Variants in RASGEF1C observed in about 807,000 individuals in gnomAD.
RASGEF1C encodes the protein ras-GEF domain-containing family member 1C.
In RASGEF1C, 27 loss-of-function variants were observed where a neutral mutation model predicts 58.1. That is an observed-to-expected ratio of 0.46 (90% CI 0.34 to 0.64). RASGEF1C has a LOEUF of 0.64. RASGEF1C is among the 30% of genes least tolerant of loss of function. The pLI is 0.01. For missense variants in RASGEF1C, 502 were observed against 605.1 expected (o/e 0.83, Z 1.79); for synonymous variants, 243 against 246.3 (o/e 0.99, Z 0.13).
chr5:180,205,236 AAACT>A (rs1039671070), intron 1 of RASGEF1C, among the ~76,000 whole-genome samples: 2 of 152,154 alleles, frequency 1.3e-5, no homozygotes, highest in East Asian at 1.9e-4. Flanking sequence ...ACTAACAATA[AAACT>A]AACAATAAAA....
Position 180,101,115 on chromosome 5 carries a change from A to T in RASGEF1C, c.*386T>A, listed in dbSNP as rs1765774752. ...CCAGAAGTTCCCAAGCCACGTGGTG[A>T]CAGACTGTGGGTGGTGGCCAAAGTG... On this transcript the variant is annotated 3_prime_UTR_variant, in exon 14 of 14. Coordinates refer to ENST00000361132, the MANE Select transcript of RASGEF1C (RefSeq NM_175062.4). The T allele has an allele frequency of 4.5e-6, 1 of 224,690 alleles. No homozygotes were observed. The highest frequency in any genetic ancestry group is 1.4e-4 in the South Asian group (1 of 7,204). The allele number at this position is 224,690 out of a possible 1,614,324, so 13.9% of individuals were successfully genotyped here. A position where few individuals can be genotyped will look rare whatever the true frequency, so the allele number is the denominator to read the frequency against.
rs1415220062 is a variant in RASGEF1C at position 180,207,017 on chromosome 5, T to C, written c.-7+2011A>G. Among the ~76,000 whole-genome samples the C allele has an allele frequency of 2.0e-5, 3 of 152,288 alleles. No individual in the cohort carries two copies. The South Asian group carries it at 6.2e-4, about 32-fold the overall frequency. On this transcript the variant is annotated intron_variant, in intron 1 of 13. Transcript: ENST00000361132. ...ATAGTTCTGACCTTTAAACCATGTG[T>C]TTTACGTATTCAAAAAATAAAATTA...
At chr5:180,163,179 T>A (rs1044920232) in intron 1 of RASGEF1C, among the ~76,000 whole-genome samples, 6 of 150,286 alleles carry the variant, frequency 4.0e-5, no homozygotes, top group Admixed American at 4.0e-4. Flanking sequence ...ACAGACAGTT[T>A]TAGTTCTTGC....
chr5:180,182,896 A>G (rs557338362), intron 1 of RASGEF1C, among the ~76,000 whole-genome samples: 14 of 152,156 alleles, frequency 9.2e-5, no homozygotes, highest in Admixed American at 6.5e-4. Flanking sequence ...CTGGATTCCT[A>G]CTCCCTGGTG....
chr5:180,163,217 T>C (rs4700889), intron 1 of RASGEF1C, among the ~76,000 whole-genome samples: 139,760 of 140,728 alleles, frequency 0.99, 69,409 homozygotes, highest in East Asian at 1. Context: ...TCCCTTCCTC[T>C]CACCACCCCC....
chr5:180,188,870 T>C (rs565359504), intron 1 of RASGEF1C, among the ~76,000 whole-genome samples: 1 of 152,320 alleles, frequency 6.6e-6, no homozygotes, highest in African/African-American at 2.4e-5. Context: ...TGTTGCCATC[T>C]TTATGTCCAC....
chr5:180,113,248 C>G (rs190482564), intron 11 of RASGEF1C, among the ~76,000 whole-genome samples: 1 of 44,122 alleles, frequency 2.3e-5, no homozygotes, highest in Non-Finnish European at 4.7e-5. Flanking sequence ...ACGGAGGGAC[C>G]GAGGATGGAC....
At chr5:180,149,121 C>T (rs1250839542) in intron 1 of RASGEF1C, among the ~76,000 whole-genome samples, 1 of 127,560 alleles carries the variant, frequency 7.8e-6, no homozygotes, top group African/African-American at 3.1e-5. Flanking sequence ...CAGAGTCTTG[C>T]TCTGTCACCA....
chr5:180,119,000 A>AG (rs758671647), intron 8 of RASGEF1C, 134 bp from the exon 9 acceptor site: 19 of 801,828 alleles, frequency 2.4e-5, no homozygotes, highest in South Asian at 3.0e-5. Context: ...TGGGTGGGTG[A>AG]GGGGGTGCTG....
At chr5:180,111,771 G>C (rs1245797140) in intron 11 of RASGEF1C, among the ~76,000 whole-genome samples, 191 bp from the exon 12 acceptor site, 1 of 152,168 alleles carries the variant, frequency 6.6e-6, no homozygotes, top group African/African-American at 2.4e-5. Context: ...GAGTGGGCCT[G>C]GTTTTATGTC....
intron 1 of RASGEF1C, among the ~76,000 whole-genome samples, chr5:180,201,387 G>A (rs926394957): frequency 5.9e-5 from 9 of 152,218 alleles, no homozygotes; most frequent in South Asian, 2.1e-4. Context: ...GTCCACTCCC[G>A]CCTCCCAAAG....
chr5:180,199,711 C>T (rs1756348909), intron 1 of RASGEF1C, among the ~76,000 whole-genome samples: 1 of 146,156 alleles, frequency 6.8e-6, no homozygotes, highest in African/African-American at 2.5e-5. Context: ...TCCCTCCTTC[C>T]TTCCTTCTTT....
At chr5:180,182,322 C>T (rs548637899) in intron 1 of RASGEF1C, among the ~76,000 whole-genome samples, 2 of 151,136 alleles carry the variant, frequency 1.3e-5, no homozygotes, top group Non-Finnish European at 2.9e-5. Flanking sequence ...TTTGTGGTCT[C>T]GCTGACTTCA....
intron 1 of RASGEF1C, among the ~76,000 whole-genome samples, chr5:180,160,156 T>A (rs1340634658): frequency 6.6e-6 from 1 of 152,188 alleles, no homozygotes; most frequent in East Asian, 1.9e-4. Flanking sequence ...TTGGAGGTGT[T>A]TCCTGCAAAT....
Position 180,136,381 on chromosome 5 carries a change from G to A in RASGEF1C, c.435C>T (p.Asp145=), listed in dbSNP as rs773099936. The change falls in exon 4 of 14, where the codon GAC becomes GAT. Residue 145 remains aspartate, a synonymous_variant. Coordinates refer to ENST00000361132, the MANE Select transcript of RASGEF1C (RefSeq NM_175062.4). ...CGACCCCCGCCCAGCTGCCCACCTC[G>A]TCACAGGGGGCGATGCGGCCCACGA... is the stretch of plus-strand genomic sequence containing the variant. ...KDVVGRIAPC[D]EAYRKRMHQL... The A allele has an allele frequency of 1.3e-6, 2 of 1,555,290 alleles. No homozygotes were observed. The highest frequency in any genetic ancestry group is 2.4e-5 in the South Asian group (2 of 84,372).
intron 1 of RASGEF1C, among the ~76,000 whole-genome samples, chr5:180,153,664 T>G (rs185388349): frequency 7.2e-5 from 11 of 152,340 alleles, no homozygotes; most frequent in Admixed American, 7.2e-4. Flanking sequence ...TATGGCTTTG[T>G]ATAGCATCTT....
chr5:180,205,674 T>C (rs1486654197), intron 1 of RASGEF1C, among the ~76,000 whole-genome samples: 2 of 152,052 alleles, frequency 1.3e-5, no homozygotes, highest in East Asian at 1.9e-4. Flanking sequence ...CTCTCCTCTA[T>C]TGCAATGGTC....
intron 10 of RASGEF1C, among the ~76,000 whole-genome samples, chr5:180,116,152 C>A (rs1027190964): frequency 1.3e-5 from 2 of 152,172 alleles, no homozygotes; most frequent in Non-Finnish European, 2.9e-5. Context: ...CTCAAGGCCA[C>A]CCCCCATGTC....
intron 1 of RASGEF1C, among the ~76,000 whole-genome samples, chr5:180,181,467 A>AATGTAAT (rs1767323566): frequency 6.6e-6 from 1 of 152,200 alleles, no homozygotes; most frequent in South Asian, 2.1e-4. Flanking sequence ...AGAGGAGGCC[A>AATGTAAT]CACTGGAGTG....
Sources: allele counts gnomAD v4.1 joint callset (sites outside exome capture counted in the v4.1 genomes callset), GRCh38; gene constraint gnomAD v4.1.1; transcripts MANE v1.5; gene names NCBI Gene and HGNC (gene_info 2026-07-23, HGNC 2026-07-21).